RASEF: variants seen among roughly 807,000 people sequenced by gnomAD.
RASEF encodes RAS and EF-hand domain containing.
Under a neutral mutation model 90.1 loss-of-function variants are expected in RASEF, and 68 were observed. That is an observed-to-expected ratio of 0.75 (90% CI 0.62 to 0.92). The LOEUF is 0.92. RASEF is among the 40% of genes least tolerant of loss of function. The pLI is 0.00. For missense variants in RASEF, 949 were observed against 937.2 expected, an observed-to-expected ratio of 1.01 and a Z score of -0.16; for synonymous variants, 331 against 345.2, an observed-to-expected ratio of 0.96 and a Z score of 0.46.
intron 11 of RASEF, 32 bp from the exon 12 acceptor site, chr9:83,000,348 G>T (rs753462861): frequency 6.2e-7 from 1 of 1,611,724 alleles, no homozygotes; most frequent in South Asian, 1.1e-5. Context: ...AATGATAACG[G>T]TATTGCCAGT....
chr9:83,085,985 G>T, the RASEF span, among the ~76,000 whole-genome samples: 1 of 152,026 alleles, frequency 6.6e-6, no homozygotes, highest in Non-Finnish European at 1.5e-5. Flanking sequence ...AACTAATGAC[G>T]TGTATGTGAC....
At chr9:83,144,374 A>G in the RASEF span, among the ~76,000 whole-genome samples, 28 of 58,272 alleles carry the variant, frequency 4.8e-4, 1 homozygote, top group African/African-American at 2.1e-3. Flanking sequence ...AAAGAAAGAA[A>G]GAAAGAAAGA....
rs186560623 is a variant in RASEF, at chr9:82,998,853, T to C, written c.1724-407A>G. Reference sequence around the variant, plus strand: ...TAGGTGCAGATACGTGTTTTGTGTATATGCATGTATGTATATGTATATGTA... The same window carrying C: ...TAGGTGCAGATACGTGTTTTGTGTACATGCATGTATGTATATGTATATGTA... On this transcript the variant is annotated intron_variant, in intron 12 of 16. Transcript: ENST00000376447. 3.6e-4 allele frequency among the ~76,000 whole-genome samples: 55 copies of C among 152,242 alleles called. No homozygotes were observed. In the East Asian group the frequency reaches 7.5e-3, roughly 21 times the overall value.
the RASEF span, among the ~76,000 whole-genome samples, chr9:83,195,190 T>C: frequency 2.6e-5 from 4 of 152,170 alleles, no homozygotes; most frequent in Admixed American, 6.5e-5. Flanking sequence ...TGTGGCGGGA[T>C]TTCAGTTTGT....
chr9:83,197,658 A>G, the RASEF span, among the ~76,000 whole-genome samples: 1 of 152,230 alleles, frequency 6.6e-6, no homozygotes, highest in Non-Finnish European at 1.5e-5. Flanking sequence ...AGTGATGCTA[A>G]CATTTGGGCA....
the RASEF span, among the ~76,000 whole-genome samples, chr9:83,093,093 C>T: frequency 2.6e-5 from 4 of 152,122 alleles, no homozygotes; most frequent in African/African-American, 9.7e-5. Flanking sequence ...GCTCACAAAC[C>T]CTGAGCTAGA....
the RASEF span, among the ~76,000 whole-genome samples, chr9:83,133,269 A>G: frequency 6.6e-6 from 1 of 152,204 alleles, no homozygotes; most frequent in African/African-American, 2.4e-5. Context: ...TGGAAGACCA[A>G]GGAAAAGGAC....
At chr9:82,985,600 G>A (rs948841961) in intron 16 of RASEF, among the ~76,000 whole-genome samples, 3 of 152,152 alleles carry the variant, frequency 2.0e-5, no homozygotes, top group African/African-American at 7.2e-5. Flanking sequence ...ATATTAACTG[G>A]ATCTTTATTT....
the RASEF span, among the ~76,000 whole-genome samples, chr9:83,187,554 G>A: frequency 5.3e-5 from 8 of 152,130 alleles, no homozygotes; most frequent in Non-Finnish European, 2.9e-5. Flanking sequence ...ATGATATTAA[G>A]TCAATTAAAT....
the RASEF span, among the ~76,000 whole-genome samples, chr9:83,135,334 C>G: frequency 2.0e-5 from 3 of 151,840 alleles, no homozygotes; most frequent in African/African-American, 7.3e-5. Flanking sequence ...ACAGCACACA[C>G]CGGGGCCTGT....
chr9:83,129,542 C>A, the RASEF span, among the ~76,000 whole-genome samples: 1 of 152,146 alleles, frequency 6.6e-6, no homozygotes, highest in Non-Finnish European at 1.5e-5. Flanking sequence ...CAGAATTGCA[C>A]TCTTCCTGTT....
chr9:83,185,012 G>A, the RASEF span, among the ~76,000 whole-genome samples: 4 of 152,092 alleles, frequency 2.6e-5, no homozygotes, highest in African/African-American at 9.7e-5. Flanking sequence ...AAACTGTGGG[G>A]TGGGGCCAGA....
the RASEF span, among the ~76,000 whole-genome samples, chr9:83,154,395 G>A: frequency 6.6e-6 from 1 of 152,044 alleles, no homozygotes; most frequent in African/African-American, 2.4e-5. Context: ...TTTCTTCCCA[G>A]CACTGAAAGT....
At chr9:83,055,414 G>A in intron 1 of RASEF, 4 of 584,892 alleles carry the variant, frequency 6.8e-6, no homozygotes, top group South Asian at 5.4e-5. Flanking sequence ...CGCGCACGGT[G>A]CGCGCACACA....
chr9:83,066,157 C>G (rs988163523), upstream of RASEF, among the ~76,000 whole-genome samples: 6 of 152,158 alleles, frequency 3.9e-5, no homozygotes, highest in Admixed American at 1.3e-4. Context: ...TTTATTGTCC[C>G]CCAAATAAGC....
intron 1 of RASEF, among the ~76,000 whole-genome samples, chr9:83,039,470 G>C (rs750987228): frequency 6.6e-6 from 1 of 152,166 alleles, no homozygotes; most frequent in Non-Finnish European, 1.5e-5. Context: ...CTGGATCTGC[G>C]ACAGGCTCAG....
the RASEF span, among the ~76,000 whole-genome samples, chr9:83,142,687 G>A: frequency 2.6e-5 from 4 of 152,136 alleles, no homozygotes; most frequent in African/African-American, 4.8e-5. Context: ...GAGGATTCCA[G>A]GAGCTTAACA....
In RASEF at chr9:82,987,709, T is replaced by C. The variant is rs143944149; in HGVS notation, c.2117+2682A>G. Among the ~76,000 whole-genome samples the C allele has an allele frequency of 2.6e-5, 4 of 152,300 alleles. No homozygotes were observed. In the East Asian group the frequency reaches 5.8e-4, roughly 22 times the overall value. ...ACTGAGCATTAAACAATGATTAAGA[T>C]ATTCAGTGGAGTACAGACTGTCATA... On this transcript the variant is annotated intron_variant, in intron 16 of 16. Transcript: ENST00000376447.
the RASEF span, among the ~76,000 whole-genome samples, chr9:83,212,258 A>C: frequency 6.6e-6 from 1 of 152,186 alleles, no homozygotes; most frequent in African/African-American, 2.4e-5. Context: ...TTTCAGCCCA[A>C]GTCTACTGGT....
Sources: gnomAD v4.1 joint callset for allele counts (sites outside exome capture counted in the v4.1 genomes callset) on GRCh38, gnomAD v4.1.1 for gene constraint, MANE v1.5 for transcripts, NCBI Gene and HGNC (gene_info 2026-07-23, HGNC 2026-07-21) for gene names.